RYR2: variants seen among roughly 807,000 people sequenced by gnomAD.
The protein encoded by RYR2 is ryanodine receptor 2.
In RYR2, 227 loss-of-function variants were observed where a neutral mutation model predicts 601.1. The ratio of observed to expected loss-of-function variants is 0.38; its 90% CI spans 0.34 to 0.42. RYR2 has a LOEUF of 0.42. Among genes scored for constraint, RYR2 ranks in the 10% least tolerant of loss-of-function variants. The pLI, the probability that RYR2 is intolerant of heterozygous loss-of-function variation, is 1.00. For missense variants in RYR2, 4,646 were observed against 6,156.5 expected, an observed-to-expected ratio of 0.75 and a Z score of 8.21; for synonymous variants, 2,223 against 2,175.1, an observed-to-expected ratio of 1.02 and a Z score of -0.61.
intron 1 of RYR2, among the ~76,000 whole-genome samples, chr1:237,086,915 C>T (rs956404601): frequency 3.9e-5 from 6 of 152,120 alleles, no homozygotes; most frequent in African/African-American, 9.7e-5. Context: ...GTGCTATCCC[C>T]GGAGGAACAT....
intron 87 of RYR2, among the ~76,000 whole-genome samples, chr1:237,777,297 G>A (rs143222085): frequency 0.011 from 1,699 of 152,184 alleles, 17 homozygotes; most frequent in Middle Eastern, 0.02. Context: ...ACAGTCAGTC[G>A]TTCTCATAGT....
intron 35 of RYR2, among the ~76,000 whole-genome samples, chr1:237,603,744 A>G (rs1331290689): frequency 6.6e-6 from 1 of 152,176 alleles, no homozygotes; most frequent in Non-Finnish European, 1.5e-5. Context: ...TACCAAGCAA[A>G]TGGAAAACAA....
At position 237,784,988 on chromosome 1, in the gene RYR2, G is replaced by A. The variant is rs1695432298; in HGVS notation, c.13260+16G>A. The A allele has an allele frequency of 6.5e-7, 1 of 1,528,034 alleles. No individual in the cohort carries two copies. Among genetic ancestry groups the A allele is most frequent in the Non-Finnish European group, 8.9e-7 (1 of 1,125,592 alleles). The allele number at this position is 1,528,034 out of a possible 1,614,324, so 94.7% of individuals were successfully genotyped here. A position where few individuals can be genotyped will look rare whatever the true frequency, so the allele number is the denominator to read the frequency against. On this transcript the variant is annotated intron_variant, in intron 90 of 104. Transcript: ENST00000366574. This position sits in a 1 kb window ranked among gnomAD's most constrained non-coding sequence, Gnocchi z 7.1. ...AAAATTTCAGGTAATTTATCTCTAA[G>A]TCACAGCAGCATTCTCTCTGGACTT...
intron 1 of RYR2, among the ~76,000 whole-genome samples, chr1:237,102,065 T>C (rs1012776677): frequency 1.3e-5 from 2 of 152,180 alleles, no homozygotes; most frequent in East Asian, 1.9e-4. Context: ...GAAAGCTTCA[T>C]GGTAGACTTT....
chr1:237,575,893 A>G (rs1301560036), intron 29 of RYR2, among the ~76,000 whole-genome samples: 2 of 151,856 alleles, frequency 1.3e-5, no homozygotes, highest in Non-Finnish European at 2.9e-5. Flanking sequence ...AGAAAACCCT[A>G]AAGAATCTAT....
intron 10 of RYR2, among the ~76,000 whole-genome samples, chr1:237,414,073 A>C (rs1287453631): frequency 2.6e-5 from 4 of 152,132 alleles, no homozygotes; most frequent in Admixed American, 2.6e-4. Flanking sequence ...GATGAGTAAA[A>C]GTCTTTAAAA....
chr1:237,366,835 G>T (rs66539875), intron 5 of RYR2, among the ~76,000 whole-genome samples: 44,712 of 151,808 alleles, frequency 0.29, 6,880 homozygotes, highest in East Asian at 0.37. Flanking sequence ...GCTGTCAAGT[G>T]TTATTAAAGT....
intron 29 of RYR2, among the ~76,000 whole-genome samples, chr1:237,584,844 A>G (rs1474858487): frequency 6.6e-6 from 1 of 151,886 alleles, no homozygotes; most frequent in Non-Finnish European, 1.5e-5. Flanking sequence ...ATTTTTTAAA[A>G]TAGCTCTTTG....
chr1:237,294,371 C>T (rs939270965), intron 2 of RYR2, among the ~76,000 whole-genome samples: 10 of 151,792 alleles, frequency 6.6e-5, no homozygotes, highest in African/African-American at 2.4e-4. Flanking sequence ...TACTACCAAT[C>T]AGTAGTACCT....
At chr1:237,075,022 G>A (rs1255331094) in intron 1 of RYR2, among the ~76,000 whole-genome samples, 1 of 152,134 alleles carries the variant, frequency 6.6e-6, no homozygotes, top group African/African-American at 2.4e-5. Flanking sequence ...GGCTGTGGGA[G>A]TCACCCCATG....
chr1:237,521,777 A>G (rs1055726171), intron 24 of RYR2, among the ~76,000 whole-genome samples: 6 of 151,970 alleles, frequency 3.9e-5, no homozygotes, highest in South Asian at 2.1e-4. Context: ...ATGGCTTTTC[A>G]TTGCTTTTAA....
At chr1:237,674,070 G>A (rs1052436737) in intron 58 of RYR2, 26 bp from the exon 59 acceptor site, 1 of 1,595,782 alleles carries the variant, frequency 6.3e-7, no homozygotes, top group Non-Finnish European at 8.6e-7. Context: ...TTACTATGCT[G>A]TGTTCTTGTC....
Position 237,830,040 on chromosome 1 carries a change from A to C in RYR2, c.14656-490A>C, listed in dbSNP as rs78128074. On this transcript the variant is annotated intron_variant, in intron 102 of 104. Transcript: ENST00000366574. ...CTGGAAGACCCTTGCTAAACTGTAG[A>C]TGGGATGTCTCATAGCTTGGTATTT... 1.3e-4 allele frequency: 21 copies of C among 155,660 alleles called. No homozygotes were observed. The East Asian group carries it at 4.0e-3, about 29-fold the overall frequency. The allele number at this position is 155,660 out of a possible 1,614,324, so 9.6% of individuals were successfully genotyped here. A position where few individuals can be genotyped will look rare whatever the true frequency, so the allele number is the denominator to read the frequency against.
At chr1:237,043,384 A>AGT (rs1182789588) in intron 1 of RYR2, among the ~76,000 whole-genome samples, 2 of 151,974 alleles carry the variant, frequency 1.3e-5, no homozygotes, top group Admixed American at 6.5e-5. Flanking sequence ...AGTGAAGCAA[A>AGT]GTGTGTGTGT....
At chr1:237,601,720 C>A (rs1455717222) in intron 34 of RYR2, among the ~76,000 whole-genome samples, 1 of 152,000 alleles carries the variant, frequency 6.6e-6, no homozygotes, top group African/African-American at 2.4e-5. Flanking sequence ...TACAATGTGT[C>A]AATTAAAAAA....
At chr1:237,452,232 G>A (rs12135549) in intron 14 of RYR2, among the ~76,000 whole-genome samples, 75,789 of 145,136 alleles carry the variant, frequency 0.52, 21,116 homozygotes, top group East Asian at 0.74. Context: ...GATATATTAT[G>A]TAGTATATTA....
intron 62 of RYR2, among the ~76,000 whole-genome samples, chr1:237,685,685 A>G (rs1686323857): frequency 6.6e-6 from 1 of 152,178 alleles, no homozygotes; most frequent in Non-Finnish European, 1.5e-5. Flanking sequence ...TAGCACACAC[A>G]GCTGTCAGCC....
chr1:237,506,889 C>T (rs1023628642), intron 23 of RYR2, 75 bp downstream of exon 23: 14 of 1,200,450 alleles, frequency 1.2e-5, no homozygotes, highest in Admixed American at 2.0e-5. Context: ...CTGCCTTTTC[C>T]CGCTATGGGG....
At chr1:237,463,761 T>C (rs1002355640) in intron 16 of RYR2, among the ~76,000 whole-genome samples, 2 of 152,152 alleles carry the variant, frequency 1.3e-5, no homozygotes, top group African/African-American at 4.8e-5. Flanking sequence ...ACATTTGTCT[T>C]TTGTTTTTGT....
Sources: allele counts gnomAD v4.1 joint callset (sites outside exome capture counted in the v4.1 genomes callset), GRCh38; gene constraint gnomAD v4.1.1; non-coding constraint Gnocchi (gnomAD v3.1); transcripts MANE v1.5; gene names NCBI Gene and HGNC (gene_info 2026-07-23, HGNC 2026-07-21).